The following PRSS57 variants were observed in gnomAD, a reference collection of about 807,000 sequenced individuals.
PRSS57 encodes the protein neutrophil serine protease 4.
In PRSS57, 19 loss-of-function variants were observed where a neutral mutation model predicts 20.6. The observed-to-expected ratio is 0.92, with a 90% confidence interval of 0.64 to 1.35. The LOEUF (loss-of-function observed/expected upper bound fraction) is 1.35, where lower values mean the gene tolerates loss of function less well. Ranked by LOEUF, PRSS57 falls within the 40% of genes most tolerant of loss-of-function variation. The pLI is 0.00. For missense variants in PRSS57, 440 were observed against 403.7 expected, an observed-to-expected ratio of 1.09 and a Z score of -0.77; for synonymous variants, 203 against 176.6, an observed-to-expected ratio of 1.15 and a Z score of -1.19.
rs770760560 is a variant in PRSS57 at position 686,974 on chromosome 19, G to T, written c.593C>A (p.Thr198Asn). The stretch of plus-strand genomic sequence containing the variant: ...GTCCCCACTGCGGGTGCAGAGCATG[G>T]TAAGTGTCAGGTGGCCCTTCCAGGA... Reference protein sequence around the residue: ...NSSWKGHLTLTMLCTRSGDSH... With the variant: ...NSSWKGHLTLNMLCTRSGDSH... The change falls in exon 4 of 5, where the codon ACC (threonine) becomes AAC (asparagine). Residue 198 changes from threonine to asparagine, a missense_variant. Coordinates refer to ENST00000329267, the MANE Select transcript of PRSS57 (RefSeq NM_001308209.2). The T allele has an allele frequency of 6.2e-7, 1 of 1,614,104 alleles. No individual in the cohort carries two copies. The highest frequency in any genetic ancestry group is 1.7e-5 in the Admixed American group (1 of 60,020).
chr19:694,517 G>A (rs561781430), intron 2 of PRSS57, among the ~76,000 whole-genome samples: 5 of 149,056 alleles, frequency 3.4e-5, no homozygotes, highest in Non-Finnish European at 7.4e-5. Flanking sequence ...GCAGTGAGCC[G>A]AGATTGCACC....
intron 3 of PRSS57, among the ~76,000 whole-genome samples, chr19:688,213 T>A (rs1242830613): frequency 6.6e-6 from 1 of 152,222 alleles, no homozygotes; most frequent in African/African-American, 2.4e-5. Flanking sequence ...ATTCTTGATG[T>A]CTCGCTCAGC....
At chr19:694,175 GC>G (rs200016458) in intron 2 of PRSS57, among the ~76,000 whole-genome samples, 1,657 of 152,202 alleles carry the variant, frequency 0.011, 31 homozygotes, top group African/African-American at 0.037. Context: ...GGACACTGCA[GC>G]CCAGGACCAA....
At chr19:689,633 G>C (rs572612886) in intron 3 of PRSS57, among the ~76,000 whole-genome samples, 55 of 152,272 alleles carry the variant, frequency 3.6e-4, no homozygotes, top group Non-Finnish European at 6.8e-4. Context: ...TAAAACCTAA[G>C]TCAGGCCAGG....
chr19:694,974 G>A lies in PRSS57; in HGVS notation c.80-7C>T. On this transcript the variant is annotated splice_polypyrimidine_tract_variant and splice_region_variant and intron_variant, in intron 1 of 4. Transcript: ENST00000329267. ...ATCTGGGCCCCCCAGGAGCCTGCTG[G>A]AGGGACGGCCTGAGTCAGGGACGAG... 1 of 1,528,648 alleles carries A rather than the reference G, an allele frequency of 6.5e-7. No individual in the cohort carries two copies. The highest frequency in any genetic ancestry group is 8.8e-7 in the Non-Finnish European group (1 of 1,137,660). 94.7% of individuals were successfully genotyped at this position (1,528,648 alleles called of 1,614,324 possible).
At chr19:693,749 T>C (rs1267723432) in intron 2 of PRSS57, among the ~76,000 whole-genome samples, 1 of 150,536 alleles carries the variant, frequency 6.6e-6, no homozygotes, top group Admixed American at 6.6e-5. Flanking sequence ...ATTTTCGTAT[T>C]TTTTTTTTGA....
chr19:691,660 A>C (rs1185931693), intron 3 of PRSS57, among the ~76,000 whole-genome samples, 198 bp downstream of exon 3: 1 of 151,516 alleles, frequency 6.6e-6, no homozygotes, highest in African/African-American at 2.4e-5. Flanking sequence ...TCTCTACTAA[A>C]ATACAAAAAT....
At position 694,692 on chromosome 19, in the gene PRSS57, G is replaced by C. The variant is rs1037215139; in HGVS notation, c.233+122C>G. ...TTCCCTTTGTTGCCCTTTAAATCCA[G>C]CCCCTGCTGAGACTCCCCCTCCTGC... On this transcript the variant is annotated intron_variant, in intron 2 of 4. Coordinates refer to ENST00000329267, the MANE Select transcript of PRSS57 (RefSeq NM_001308209.2). 8.4e-5 allele frequency: 96 copies of C among 1,139,040 alleles called. 1 individual carries two copies. The East Asian group carries it at 1.3e-3, about 15-fold the overall frequency. 70.6% of individuals were successfully genotyped at this position (1,139,040 alleles called of 1,614,324 possible). A position where few individuals can be genotyped will look rare whatever the true frequency, so the allele number is the denominator to read the frequency against.
At position 685,922 on chromosome 19, in the gene PRSS57, C is replaced by T; in HGVS notation, c.643G>A (p.Ala215Thr). ...CACACCAGGGGCCCTCCGGAGTCGGCCTGGAGTGAAAGGAGAGGTGAGGTC... is the reference window on the plus strand; with the variant it reads ...CACACCAGGGGCCCTCCGGAGTCGGTCTGGAGTGAAAGGAGAGGTGAGGTC... ...GDSHRRGFCS[A>T]DSGGPLVCRN... The change falls in exon 5 of 5, where the codon GCC becomes ACC. Residue 215 changes from alanine to threonine, a missense_variant and splice_region_variant. Physicochemically the swap from Ala to Thr is moderately conservative, Grantham distance 58 (BLOSUM62 0). Coordinates refer to ENST00000329267, the MANE Select transcript of PRSS57 (RefSeq NM_001308209.2). 6.5e-7 allele frequency: 1 copy of T among 1,536,544 alleles called. No individual in the cohort carries two copies. The highest frequency in any genetic ancestry group is 8.8e-7 in the Non-Finnish European group (1 of 1,137,932).
At chr19:692,029 C>T (rs377204666) in intron 2 of PRSS57, 27 bp from the exon 3 acceptor site, 56 of 1,300,926 alleles carry the variant, frequency 4.3e-5, no homozygotes, top group South Asian at 6.2e-5. Context: ...GTGGGTGAGA[C>T]GGGGGTGAGG....
chr19:686,880 G>T (rs564041176), intron 4 of PRSS57, 45 bp downstream of exon 4: 1 of 1,581,148 alleles, frequency 6.3e-7, no homozygotes, highest in South Asian at 1.2e-5. Flanking sequence ...TGTGGGCCTT[G>T]GTTTCCCCAC....
At chr19:695,049 C>T (rs1449199462) in intron 1 of PRSS57, 82 bp from the exon 2 acceptor site, 13 of 1,304,396 alleles carry the variant, frequency 1.0e-5, no homozygotes, top group Middle Eastern at 5.3e-4. Flanking sequence ...GGAGAAGTAG[C>T]GGCCAAGACA....
chr19:693,974 T>G (rs1391961187), intron 2 of PRSS57, among the ~76,000 whole-genome samples: 1 of 152,120 alleles, frequency 6.6e-6, no homozygotes, highest in East Asian at 1.9e-4. Flanking sequence ...TCTCCTGACC[T>G]CGTGATCCTC....
At chr19:691,502 C>T (rs1365749442) in intron 3 of PRSS57, among the ~76,000 whole-genome samples, 1 of 132,624 alleles carries the variant, frequency 7.5e-6, no homozygotes, top group Admixed American at 7.9e-5. Flanking sequence ...GAGACTCTGA[C>T]TCAAAAAAAA....
chr19:692,850 T>C (rs920401962), intron 2 of PRSS57, among the ~76,000 whole-genome samples: 10 of 152,036 alleles, frequency 6.6e-5, no homozygotes, highest in African/African-American at 2.4e-4. Context: ...ATGAAGATAA[T>C]ACTTATTATA....
chr19:689,675 TTG>T (rs1434549326), intron 3 of PRSS57, among the ~76,000 whole-genome samples: 1 of 152,142 alleles, frequency 6.6e-6, no homozygotes, highest in Non-Finnish European at 1.5e-5. Context: ...TCCCAGCACT[TTG>T]CGGGGCTGAG....
At position 685,930 on chromosome 19, in the gene PRSS57, GA is replaced by G; in HGVS notation, c.643-9del. On this transcript the variant is annotated splice_polypyrimidine_tract_variant and intron_variant, in intron 4 of 4. Transcript: ENST00000329267. The stretch of plus-strand genomic sequence containing the variant: ...GGGCCCTCCGGAGTCGGCCTGGAGT[GA>G]AAGGAGAGGTGAGGTCAGGGCCTCT... 1.3e-6 allele frequency: 2 copies of G among 1,532,734 alleles called. No homozygotes were observed. Among genetic ancestry groups the G allele is most frequent in the Non-Finnish European group, 8.8e-7 (1 of 1,135,342 alleles). The allele number at this position is 1,532,734 out of a possible 1,614,324, so 94.9% of individuals were successfully genotyped here. A position where few individuals can be genotyped will look rare whatever the true frequency, so the allele number is the denominator to read the frequency against.
In PRSS57 at chr19:691,948, C is replaced by G; in HGVS notation, c.288G>C (p.Glu96Asp). The change falls in exon 3 of 5, where the codon GAG (glutamate) becomes GAC (aspartate). Residue 96 changes from glutamate (E) to aspartate (D), a missense_variant. Coordinates refer to ENST00000329267, the MANE Select transcript of PRSS57 (RefSeq NM_001308209.2). ...CGATGCCAAACACCTGCTGGGTGGG[C>G]TCCGCAGTACTCAGGACGTGGGCGC... ...VLGAHVLSTA[E>D]PTQQVFGIDA... The G allele has an allele frequency of 7.5e-7, 1 of 1,330,926 alleles. No homozygotes were observed. Among genetic ancestry groups the G allele is most frequent in the South Asian group, 2.7e-5 (1 of 37,412 alleles). The allele number at this position is 1,330,926 out of a possible 1,614,324, so 82.4% of individuals were successfully genotyped here. A position where few individuals can be genotyped will look rare whatever the true frequency, so the allele number is the denominator to read the frequency against.
Position 691,794 on chromosome 19 carries a change from G to A in PRSS57, c.378+64C>T, listed in dbSNP as rs555384334. On this transcript the variant is annotated intron_variant, in intron 3 of 4. Coordinates refer to ENST00000329267, the MANE Select transcript of PRSS57 (RefSeq NM_001308209.2). ...AGATTGCGCCATTGCCCTCCAGCCC[G>A]AGCGACAGAGCGAGAGACTGTCTCA... 3.2e-5 allele frequency: 42 copies of A among 1,292,894 alleles called. No homozygotes were observed. In the Admixed American group the frequency reaches 5.8e-4, roughly 18 times the overall value. 80.1% of individuals were successfully genotyped at this position (1,292,894 alleles called of 1,614,324 possible).
Sources: gnomAD v4.1 joint callset for allele counts (sites outside exome capture counted in the v4.1 genomes callset) on GRCh38, gnomAD v4.1.1 for gene constraint, MANE v1.5 for transcripts, NCBI Gene and HGNC (gene_info 2026-07-23, HGNC 2026-07-21) for gene names.